GOLGA7: variants seen among roughly 807,000 people sequenced by gnomAD.
The protein encoded by GOLGA7 is golgin A7.
A neutral mutation model predicts 21.1 loss-of-function variants in GOLGA7; 10 were observed. The observed-to-expected ratio is 0.47, with a 90% CI of 0.29 to 0.80. GOLGA7 has a LOEUF of 0.80. Ranked by LOEUF, GOLGA7 falls within the 30% of genes least tolerant of loss-of-function variation. The pLI, the probability that GOLGA7 is intolerant of heterozygous loss-of-function variation, is 0.08. For synonymous variants in GOLGA7, 64 were observed against 62.6 expected (o/e 1.02, Z -0.10); for missense variants, 114 against 166.8 (o/e 0.68, Z 1.74).
At chr8:41,501,537 C>T (rs1365614104) in intron 2 of GOLGA7, among the ~76,000 whole-genome samples, 1 of 152,060 alleles carries the variant, frequency 6.6e-6, no homozygotes. Flanking sequence ...AGTCACTGCA[C>T]CCAGCACTCA....
At chr8:41,498,667 G>A (rs1156489935) in intron 2 of GOLGA7, among the ~76,000 whole-genome samples, 1 of 152,146 alleles carries the variant, frequency 6.6e-6, no homozygotes, top group African/African-American at 2.4e-5. Flanking sequence ...CATTTTATTT[G>A]TATCTGTTTT....
intron 3 of GOLGA7, 93 bp downstream of exon 3, chr8:41,506,105 T>A: frequency 1.5e-6 from 1 of 653,948 alleles, no homozygotes; most frequent in Non-Finnish European, 2.7e-6. Flanking sequence ...TTAACTCTCA[T>A]CCTGTATTTG....
intron 2 of GOLGA7, among the ~76,000 whole-genome samples, chr8:41,500,032 G>A (rs182043633): frequency 1.8e-3 from 270 of 152,264 alleles, no homozygotes; most frequent in Non-Finnish European, 2.0e-3. Context: ...CTAATAATAC[G>A]TTCAGTGAGT....
chr8:41,490,742 G>T lies in GOLGA7; in HGVS notation c.-113G>T. 1 of 649,306 alleles carries T rather than the reference G, an allele frequency of 1.5e-6. No individual in the cohort carries two copies. Among genetic ancestry groups the T allele is most frequent in the South Asian group, 1.8e-5 (1 of 55,744 alleles). 40.2% of individuals were successfully genotyped at this position (649,306 alleles called of 1,614,324 possible). ...GCAGAGGAGGCCTTGGGCTGTTTTC[G>T]GCGGCGGGTGGGGGCGAGGGGCTGG... On this transcript the variant is annotated 5_prime_UTR_variant, in exon 1 of 5. Transcript: ENST00000357743.
intron 1 of GOLGA7, among the ~76,000 whole-genome samples, chr8:41,495,202 CAAAA>C (rs1200554916): frequency 7.6e-5 from 3 of 39,616 alleles, no homozygotes; most frequent in African/African-American, 9.0e-5. Context: ...GACTCTGTCT[CAAAA>C]AAAAAAAAAA....
At chr8:41,495,202 C>CA (rs1200554916) in intron 1 of GOLGA7, among the ~76,000 whole-genome samples, 655 of 39,292 alleles carry the variant, frequency 0.017, 29 homozygotes, top group East Asian at 0.026. Flanking sequence ...GACTCTGTCT[C>CA]AAAAAAAAAA....
intron 1 of GOLGA7, among the ~76,000 whole-genome samples, chr8:41,494,516 G>A (rs1386858460): frequency 2.0e-5 from 3 of 152,116 alleles, no homozygotes; most frequent in Non-Finnish European, 4.4e-5. Context: ...CAAACTGAAG[G>A]CATTAACGTA....
At position 41,494,824 on chromosome 8, in the gene GOLGA7, C is replaced by T. The variant is rs1386620438; in HGVS notation, c.112-2685C>T. Among the ~76,000 whole-genome samples, 56 of 152,172 alleles carry T rather than the reference C, an allele frequency of 3.7e-4. 1 individual carries two copies. Among genetic ancestry groups the T allele is most frequent in the Admixed American group, 3.6e-3 (55 of 15,278 alleles). On this transcript the variant is annotated intron_variant, in intron 1 of 4. Transcript: ENST00000357743. The stretch of plus-strand genomic sequence containing the variant: ...CATGCATGCCACTAGCCCATTGACT[C>T]CTCACATTTTCCACACAACGGACAA...
At chr8:41,505,876 A>T (rs1329617485) in intron 2 of GOLGA7, 35 bp from the exon 3 acceptor site, 1 of 1,092,768 alleles carries the variant, frequency 9.2e-7, no homozygotes, top group African/African-American at 1.6e-5. Flanking sequence ...AATCTGATGA[A>T]GTTTGTAAGA....
At chr8:41,492,763 T>G (rs1215104154) in intron 1 of GOLGA7, among the ~76,000 whole-genome samples, 1 of 152,264 alleles carries the variant, frequency 6.6e-6, no homozygotes, top group Non-Finnish European at 1.5e-5. Flanking sequence ...TACTTCAAAA[T>G]CAGAATATAA....
At position 41,499,677 on chromosome 8, in the gene GOLGA7, C is replaced by T. The variant is rs530940068; in HGVS notation, c.264+2016C>T. Among the ~76,000 whole-genome samples, 3 of 152,292 alleles carry T rather than the reference C, an allele frequency of 2.0e-5. No individual in the cohort carries two copies. In the South Asian group the frequency reaches 6.2e-4, roughly 32 times the overall value. On this transcript the variant is annotated intron_variant, in intron 2 of 4. Transcript: ENST00000357743. Reference sequence around the variant, plus strand: ...CTGTGTGTTCCTCCACTAATGTGCACCTCTTGACATCCAGCCACCTGTTTG... The same window carrying T: ...CTGTGTGTTCCTCCACTAATGTGCATCTCTTGACATCCAGCCACCTGTTTG...
In GOLGA7 at chr8:41,502,282, T is replaced by TA. The variant is rs1269778005; in HGVS notation, c.265-3628dup. 3.9e-5 allele frequency among the ~76,000 whole-genome samples: 6 copies of TA among 152,358 alleles called. No individual in the cohort carries two copies. In the East Asian group the frequency reaches 1.2e-3, roughly 29 times the overall value. On this transcript the variant is annotated intron_variant, in intron 2 of 4. Transcript: ENST00000357743. ...AATTTTTGTGCTATTATTTTCTACTTACAAAAGGATGAGGTTGAGTCATTT... is the reference window on the plus strand; with the variant it reads ...AATTTTTGTGCTATTATTTTCTACTTAACAAAAGGATGAGGTTGAGTCATTT...
intron 2 of GOLGA7, among the ~76,000 whole-genome samples, chr8:41,499,905 G>A (rs1041402202): frequency 2.0e-5 from 3 of 152,142 alleles, no homozygotes; most frequent in South Asian, 2.1e-4. Context: ...TAAAGGGACC[G>A]TGCTCTTCCC....
At chr8:41,504,694 A>G (rs1585604645) in intron 2 of GOLGA7, among the ~76,000 whole-genome samples, 1 of 152,306 alleles carries the variant, frequency 6.6e-6, no homozygotes, top group East Asian at 1.9e-4. Flanking sequence ...AAAACATGAG[A>G]TTTTTTTATC....
At chr8:41,499,760 G>A (rs1322192361) in intron 2 of GOLGA7, among the ~76,000 whole-genome samples, 1 of 152,202 alleles carries the variant, frequency 6.6e-6, no homozygotes, top group Non-Finnish European at 1.5e-5. Flanking sequence ...TGGCAGGCCA[G>A]GGTGGAAATG....
chr8:41,492,447 A>G (rs1485556773), intron 1 of GOLGA7, among the ~76,000 whole-genome samples: 2 of 151,770 alleles, frequency 1.3e-5, no homozygotes, highest in Non-Finnish European at 2.9e-5. Flanking sequence ...GCATCACTTG[A>G]GGTCGGGAAT....
At chr8:41,491,678 A>T (rs1036386720) in intron 1 of GOLGA7, among the ~76,000 whole-genome samples, 36 of 146,884 alleles carry the variant, frequency 2.5e-4, no homozygotes, top group African/African-American at 6.2e-4. Context: ...AAAACTTTAA[A>T]AAAAAAAAAA....
Position 41,490,639 on chromosome 8 carries a change from C to G in GOLGA7, c.-216C>G. On this transcript the variant is annotated 5_prime_UTR_variant, in exon 1 of 5. Transcript: ENST00000357743. ...GCGGGTTTGTGTTTCCCGGGCCGAA[C>G]CGGGTTGTGGGGGGCGCGGGGCCTG... 1 of 535,054 alleles carries G rather than the reference C, an allele frequency of 1.9e-6. No individual in the cohort carries two copies. The highest frequency in any genetic ancestry group is 3.3e-6 in the Non-Finnish European group (1 of 302,914). 33.1% of individuals were successfully genotyped at this position (535,054 alleles called of 1,614,324 possible). A position where few individuals can be genotyped will look rare whatever the true frequency, so the allele number is the denominator to read the frequency against.
Position 41,492,977 on chromosome 8 carries a change from T to C in GOLGA7, c.111+2012T>C, listed in dbSNP as rs539418402. Among the ~76,000 whole-genome samples the C allele has an allele frequency of 3.7e-4, 57 of 152,362 alleles. 1 individual carries two copies. Among genetic ancestry groups the C allele is most frequent in the African/African-American group, 1.2e-3 (50 of 41,596 alleles). On this transcript the variant is annotated intron_variant, in intron 1 of 4. Coordinates refer to ENST00000357743, the MANE Select transcript of GOLGA7 (RefSeq NM_001002296.2). ...GTAGTTACTGTGCTCCACTGATTCT[T>C]GTCAGGAAATTGATGTTTCTAAATT...
Sources: allele counts gnomAD v4.1 joint callset (sites outside exome capture counted in the v4.1 genomes callset), GRCh38; gene constraint gnomAD v4.1.1; transcripts MANE v1.5; gene names NCBI Gene and HGNC (gene_info 2026-07-23, HGNC 2026-07-21).